PRPSAP2: variants seen among roughly 807,000 people sequenced by gnomAD.
The protein encoded by PRPSAP2 is phosphoribosyl pyrophosphate synthase-associated protein 2.
Under a neutral mutation model 40.6 loss-of-function variants are expected in PRPSAP2, and 24 were observed. That is an observed-to-expected ratio of 0.59 (90% CI 0.43 to 0.83). PRPSAP2 has a LOEUF of 0.83. Ranked by LOEUF, PRPSAP2 falls within the 40% of genes least tolerant of loss-of-function variation. PRPSAP2 has a pLI of 0.00. For synonymous variants in PRPSAP2, 149 were observed against 164.7 expected (o/e 0.90, Z 0.73); for missense variants, 292 against 465.6 (o/e 0.63, Z 3.43).
At chr17:18,874,966 A>G (rs1157435904) in intron 5 of PRPSAP2, among the ~76,000 whole-genome samples, 2 of 152,158 alleles carry the variant, frequency 1.3e-5, no homozygotes, top group African/African-American at 2.4e-5. Flanking sequence ...ATGGGTAGGC[A>G]TTGAGGGCAC....
chr17:18,865,222 T>G (rs917838180), intron 1 of PRPSAP2, among the ~76,000 whole-genome samples: 8 of 152,114 alleles, frequency 5.3e-5, no homozygotes, highest in Admixed American at 3.3e-4. Flanking sequence ...AAAACTGTCA[T>G]TTGGGTGGTC....
intron 6 of PRPSAP2, 82 bp downstream of exon 6, chr17:18,877,952 T>C: frequency 7.2e-7 from 1 of 1,398,406 alleles, no homozygotes; most frequent in Non-Finnish European, 9.7e-7. Context: ...GACAGGGTCT[T>C]GCCCTGTCAC....
upstream of PRPSAP2, among the ~76,000 whole-genome samples, chr17:18,857,482 C>T (rs1474349877): frequency 2.7e-5 from 4 of 149,896 alleles, no homozygotes; most frequent in South Asian, 2.1e-4. Flanking sequence ...GGCGCGATCT[C>T]GGCTCACTGC....
chr17:18,899,436 C>G (rs188089042), intron 8 of PRPSAP2, among the ~76,000 whole-genome samples: 1 of 150,628 alleles, frequency 6.6e-6, no homozygotes, highest in East Asian at 1.9e-4. Flanking sequence ...TGTTGTCTGT[C>G]TTCCAGTTCA....
At chr17:18,867,255 A>T (rs2037499892) in intron 3 of PRPSAP2, 27 bp from the exon 4 acceptor site, 1 of 1,610,900 alleles carries the variant, frequency 6.2e-7, no homozygotes, top group African/African-American at 1.3e-5. Flanking sequence ...TTACTTTTTC[A>T]GCTTTTTCCC....
In PRPSAP2 at chr17:18,911,086, C is replaced by A; in HGVS notation, c.585-17C>A. 6.3e-7 allele frequency: 1 copy of A among 1,593,788 alleles called. No individual in the cohort carries two copies. Among genetic ancestry groups the A allele is most frequent in the South Asian group, 1.1e-5 (1 of 89,288 alleles). On this transcript the variant is annotated splice_polypyrimidine_tract_variant and intron_variant, in intron 8 of 11. Transcript: ENST00000268835. This position sits in a 1 kb window ranked among gnomAD's most constrained non-coding sequence, Gnocchi z 4.5. ...GGCTGCATGAGTTTTGAGCTTGTGT[C>A]TGGTGTTTTCCCTCAGGGCACAGTC...
intron 4 of PRPSAP2, among the ~76,000 whole-genome samples, chr17:18,868,862 A>G (rs913871114): frequency 1.3e-5 from 2 of 151,868 alleles, no homozygotes; most frequent in Admixed American, 1.3e-4. Context: ...TGGCCCCTCT[A>G]CAGGATTTTA....
chr17:18,879,851 G>C (rs1263859700), intron 6 of PRPSAP2, among the ~76,000 whole-genome samples: 1 of 23,686 alleles, frequency 4.2e-5, no homozygotes, highest in Non-Finnish European at 7.4e-5. Context: ...TGTAATCCCA[G>C]CACTTTGGGA....
chr17:18,908,813 A>G, intron 8 of PRPSAP2: 1 of 720,924 alleles, frequency 1.4e-6, no homozygotes, highest in Non-Finnish European at 2.6e-6. Flanking sequence ...GAAAAGCTAG[A>G]AGCTCTTTTG....
intron 5 of PRPSAP2, among the ~76,000 whole-genome samples, chr17:18,873,889 C>T (rs2038082728): frequency 6.6e-6 from 1 of 151,726 alleles, no homozygotes; most frequent in African/African-American, 2.4e-5. Context: ...TCACCTGGAG[C>T]CCTACTTTTT....
intron 7 of PRPSAP2, among the ~76,000 whole-genome samples, chr17:18,889,310 G>A (rs2039387073): frequency 6.6e-6 from 1 of 152,160 alleles, no homozygotes; most frequent in African/African-American, 2.4e-5. Context: ...ATTCATTGGT[G>A]TAATTGTGAG....
chr17:18,858,942 C>CT, intron 1 of PRPSAP2, among the ~76,000 whole-genome samples: 1 of 152,170 alleles, frequency 6.6e-6, no homozygotes, highest in East Asian at 1.9e-4. Context: ...AAAGCATATC[C>CT]TTTTTGTCCA....
At chr17:18,893,357 GC>G (rs1395152493) in intron 8 of PRPSAP2, among the ~76,000 whole-genome samples, 1 of 151,922 alleles carries the variant, frequency 6.6e-6, no homozygotes, top group Admixed American at 6.6e-5. Context: ...CACCATGTTG[GC>G]CAGGCTGGTC....
At chr17:18,930,437 T>A (rs2042202821) in intron 11 of PRPSAP2, 103 bp from the exon 12 acceptor site, 5 of 1,101,612 alleles carry the variant, frequency 4.5e-6, no homozygotes, top group Non-Finnish European at 6.5e-6. Context: ...TGTGTTTTCC[T>A]GTCGTGGCAA....
In PRPSAP2 at chr17:18,930,472, A is replaced by C. The variant is rs904374985; in HGVS notation, c.952-68A>C. 2.7e-6 allele frequency: 4 copies of C among 1,489,972 alleles called. No individual in the cohort carries two copies. In the Admixed American group the frequency reaches 7.6e-5, roughly 28 times the overall value. The allele number at this position is 1,489,972 out of a possible 1,614,324, so 92.3% of individuals were successfully genotyped here. A position where few individuals can be genotyped will look rare whatever the true frequency, so the allele number is the denominator to read the frequency against. On this transcript the variant is annotated intron_variant, in intron 11 of 11. Coordinates refer to ENST00000268835, the MANE Select transcript of PRPSAP2 (RefSeq NM_002767.4). ...AGCCTCAGATTTGAGAAGCTGTCACATTTCCAGATCAAACCATGAAGCTAC... is the reference window on the plus strand; with the variant it reads ...AGCCTCAGATTTGAGAAGCTGTCACCTTTCCAGATCAAACCATGAAGCTAC...
chr17:18,929,574 T>C (rs1424709882), intron 11 of PRPSAP2: 1 of 152,222 alleles, frequency 6.6e-6, no homozygotes, highest in Non-Finnish European at 1.5e-5. Context: ...TAGATTTGCC[T>C]GTTCTGGACA....
At chr17:18,922,590 G>C (rs1327949383) in intron 9 of PRPSAP2, among the ~76,000 whole-genome samples, 1 of 149,014 alleles carries the variant, frequency 6.7e-6, no homozygotes, top group Non-Finnish European at 1.5e-5. Context: ...GCCCATTTTT[G>C]AACTAGGTTT....
intron 7 of PRPSAP2, among the ~76,000 whole-genome samples, chr17:18,884,228 C>T (rs1001242698): frequency 3.3e-5 from 5 of 151,888 alleles, no homozygotes; most frequent in East Asian, 1.9e-4. Flanking sequence ...GATTGTGCCA[C>T]GGCACTCCTG....
chr17:18,899,193 C>T (rs551983709), intron 8 of PRPSAP2, among the ~76,000 whole-genome samples: 4 of 152,240 alleles, frequency 2.6e-5, no homozygotes, highest in East Asian at 1.9e-4. Context: ...TGTGAGCCAC[C>T]GTGCCCAGCT....
Sources: gnomAD v4.1 joint callset for allele counts (sites outside exome capture counted in the v4.1 genomes callset) on GRCh38, gnomAD v4.1.1 for gene constraint, Gnocchi (gnomAD v3.1) non-coding constraint, MANE v1.5 for transcripts, NCBI Gene and HGNC (gene_info 2026-07-23, HGNC 2026-07-21) for gene names.